NIPAL2: variants seen among roughly 807,000 people sequenced by gnomAD.
The protein encoded by NIPAL2 is NIPA-like protein 2.
In NIPAL2, 43 loss-of-function variants were observed where a neutral mutation model predicts 48.9. The ratio of observed to expected loss-of-function variants is 0.88; its 90% confidence interval spans 0.69 to 1.13. The LOEUF is 1.13. Ranked by LOEUF, NIPAL2 falls within the 50% of genes most tolerant of loss-of-function variation. The probability of loss-of-function intolerance (pLI) is 0.00; values close to 1 mark genes in which losing one functional copy is unlikely to be tolerated. For synonymous variants in NIPAL2, 167 were observed against 174.6 expected, an observed-to-expected ratio of 0.96 and a Z score of 0.34; for missense variants, 446 against 461.4, an observed-to-expected ratio of 0.97 and a Z score of 0.31.
rs1563491475 is a variant in NIPAL2 at position 98,212,469 on chromosome 8, C to T, written c.591G>A (p.Leu197=). ...ILEILIFCIL[L]YFYKRKGMKH... ...TCATTCCTTTTCTTTTATAGAAATA[C>T]AGGAGAATGCAGAAAATTAATATTT... is the stretch of plus-strand genomic sequence containing the variant. The change falls in exon 6 of 11, where the codon CTG becomes CTA. Residue 197 remains leucine, a synonymous_variant. Transcript: ENST00000430223. The T allele has an allele frequency of 6.5e-7, 1 of 1,531,434 alleles. No homozygotes were observed. The highest frequency in any genetic ancestry group is 9.0e-7 in the Non-Finnish European group (1 of 1,105,876). The allele number at this position is 1,531,434 out of a possible 1,614,324, so 94.9% of individuals were successfully genotyped here.
intron 4 of NIPAL2, among the ~76,000 whole-genome samples, chr8:98,229,580 G>T (rs189854121): frequency 1.3e-5 from 2 of 152,114 alleles, no homozygotes; most frequent in East Asian, 3.8e-4. Flanking sequence ...GTCTGGCCAT[G>T]TTGTCCAGGC....
chr8:98,243,617 G>A (rs1034650373), intron 3 of NIPAL2, among the ~76,000 whole-genome samples: 1 of 152,224 alleles, frequency 6.6e-6, no homozygotes, highest in Admixed American at 6.5e-5. Context: ...GGCCACAAGA[G>A]AGAAAAAGCC....
intron 1 of NIPAL2, among the ~76,000 whole-genome samples, chr8:98,293,579 T>A (rs1816604241): frequency 6.6e-6 from 1 of 152,260 alleles, no homozygotes; most frequent in South Asian, 2.1e-4. Context: ...AGTTTTCTGC[T>A]TCTGATAACA....
intron 8 of NIPAL2, among the ~76,000 whole-genome samples, chr8:98,199,497 G>A (rs1027332025): frequency 1.3e-5 from 2 of 152,104 alleles, no homozygotes; most frequent in Admixed American, 6.5e-5. Context: ...GGAATAAGGA[G>A]GCCCAAGGGG....
chr8:98,225,131 A>T (rs1386954137), intron 4 of NIPAL2, among the ~76,000 whole-genome samples: 4 of 152,234 alleles, frequency 2.6e-5, no homozygotes, highest in Non-Finnish European at 5.9e-5. Context: ...TCTGCTACGT[A>T]ACTATGGCAG....
rs1810963020 is a variant in NIPAL2, at chr8:98,205,044, TA to T, written c.791+66del. The T allele has an allele frequency of 4.0e-6, 6 of 1,518,952 alleles. No individual in the cohort carries two copies. In the South Asian group the frequency reaches 6.8e-5, roughly 17 times the overall value. 94.1% of individuals were successfully genotyped at this position (1,518,952 alleles called of 1,614,324 possible). On this transcript the variant is annotated intron_variant, in intron 7 of 10. Coordinates refer to ENST00000430223, the MANE Select transcript of NIPAL2 (RefSeq NM_001321635.2). The stretch of plus-strand genomic sequence containing the variant: ...CATTTTAATTATCATCTGAAGCCAG[TA>T]AAGATTAATGCCCAGAGAAGCACCG...
intron 1 of NIPAL2, among the ~76,000 whole-genome samples, chr8:98,292,003 A>ATGATAATC (rs1298120500): frequency 1.3e-5 from 2 of 152,260 alleles, no homozygotes; most frequent in African/African-American, 4.8e-5. Context: ...ATCAGATTTG[A>ATGATAATC]TGATAATCAC....
chr8:98,219,671 G>C (rs958906899), intron 5 of NIPAL2, among the ~76,000 whole-genome samples: 1 of 152,110 alleles, frequency 6.6e-6, no homozygotes, highest in Non-Finnish European at 1.5e-5. Context: ...TCCCATTCCT[G>C]TTGCATTAAT....
At chr8:98,237,111 A>T (rs1046561164) in intron 3 of NIPAL2, among the ~76,000 whole-genome samples, 2 of 151,584 alleles carry the variant, frequency 1.3e-5, no homozygotes, top group Non-Finnish European at 2.9e-5. Flanking sequence ...CCCAGGCTGG[A>T]GTGCAGTGGC....
chr8:98,265,609 A>G (rs1814671406), intron 1 of NIPAL2, among the ~76,000 whole-genome samples: 3 of 135,514 alleles, frequency 2.2e-5, no homozygotes, highest in Non-Finnish European at 4.7e-5. Context: ...TTAGAATGGC[A>G]ATCATTAAAA....
At chr8:98,242,495 T>TTTTTTTTTTTG (rs1813045282) in intron 3 of NIPAL2, among the ~76,000 whole-genome samples, 7 of 61,194 alleles carry the variant, frequency 1.1e-4, no homozygotes, top group Admixed American at 1.0e-3. Context: ...CAGATTTTTT[T>TTTTTTTTTTTG]TTTTTTTTTT....
intron 1 of NIPAL2, among the ~76,000 whole-genome samples, chr8:98,261,538 A>G (rs1220007586): frequency 1.5e-5 from 2 of 137,134 alleles, no homozygotes; most frequent in Non-Finnish European, 3.1e-5. Context: ...GCAATGGAAG[A>G]TGAAATGAAT....
intron 1 of NIPAL2, among the ~76,000 whole-genome samples, chr8:98,284,950 A>G (rs1215564153): frequency 2.0e-5 from 3 of 152,176 alleles, no homozygotes; most frequent in South Asian, 4.1e-4. Flanking sequence ...TAATTTTTCT[A>G]TCAGTAAGAA....
At chr8:98,209,687 T>G (rs182056380) in intron 6 of NIPAL2, among the ~76,000 whole-genome samples, 1 of 152,102 alleles carries the variant, frequency 6.6e-6, no homozygotes, top group East Asian at 1.9e-4. Context: ...TTTTTTTTTT[T>G]GGATTTTTGT....
intron 3 of NIPAL2, among the ~76,000 whole-genome samples, chr8:98,245,163 C>T (rs12542996): frequency 0.29 from 44,253 of 152,112 alleles, 8,063 homozygotes; most frequent in Non-Finnish European, 0.4. Context: ...TATTGTACTG[C>T]TAAAAAGCAA....
chr8:98,283,129 A>G (rs1815950765), intron 1 of NIPAL2, among the ~76,000 whole-genome samples: 1 of 152,238 alleles, frequency 6.6e-6, no homozygotes, highest in Non-Finnish European at 1.5e-5. Flanking sequence ...TTCCCATGCA[A>G]TTAAGAACGA....
intron 1 of NIPAL2, among the ~76,000 whole-genome samples, chr8:98,271,907 G>C (rs1385854167): frequency 2.6e-5 from 4 of 151,134 alleles, no homozygotes; most frequent in Non-Finnish European, 4.4e-5. Context: ...GTCATGAAAT[G>C]ATGTTAAATT....
chr8:98,260,637 G>C (rs573092063), intron 1 of NIPAL2, among the ~76,000 whole-genome samples: 4 of 152,288 alleles, frequency 2.6e-5, no homozygotes, highest in Middle Eastern at 3.4e-3. Context: ...TACGCCCACG[G>C]AGTCTCGCTG....
intron 6 of NIPAL2, among the ~76,000 whole-genome samples, chr8:98,211,733 A>AGAGTGTGTGTGT (rs1554562908): frequency 5.5e-5 from 6 of 109,106 alleles, no homozygotes; most frequent in African/African-American, 1.9e-4. Context: ...AGAGAGAGAA[A>AGAGTGTGTGTGT]GTGTGTGTGT....
Sources: gnomAD v4.1 joint callset for allele counts (sites outside exome capture counted in the v4.1 genomes callset) on GRCh38, gnomAD v4.1.1 for gene constraint, MANE v1.5 for transcripts, NCBI Gene and HGNC (gene_info 2026-07-23, HGNC 2026-07-21) for gene names.